GRM8: variants seen among roughly 807,000 people sequenced by gnomAD.
GRM8 encodes glutamate metabotropic receptor 8, also known as metabotropic glutamate receptor 8.
GRM8 carries 47 observed loss-of-function variants against 87.2 expected under a neutral mutation model. The ratio of observed to expected loss-of-function variants is 0.54; its 90% CI spans 0.43 to 0.69. The LOEUF (loss-of-function observed/expected upper bound fraction) is 0.69. GRM8 is among the 30% of genes least tolerant of loss of function. GRM8 has a pLI of 0.00. For missense variants in GRM8, 1,019 were observed against 1,139.2 expected, an observed-to-expected ratio of 0.89 and a Z score of 1.52; for synonymous variants, 396 against 404.5, an observed-to-expected ratio of 0.98 and a Z score of 0.25.
At chr7:127,161,087 C>T (rs1265738978) in intron 2 of GRM8, among the ~76,000 whole-genome samples, 3 of 152,080 alleles carry the variant, frequency 2.0e-5, no homozygotes, top group Admixed American at 2.0e-4. Flanking sequence ...CATTCTTTAT[C>T]ATACACTTAA....
intron 10 of GRM8, 89 bp from the exon 11 acceptor site, chr7:126,439,257 C>G (rs1801179389): frequency 1.3e-6 from 1 of 793,356 alleles, no homozygotes; most frequent in Admixed American, 1.8e-5. Context: ...CCTGTAATGA[C>G]TTTTTAATAA....
At chr7:126,625,074 GAATA>G (rs1003525924) in intron 7 of GRM8, among the ~76,000 whole-genome samples, 1 of 152,064 alleles carries the variant, frequency 6.6e-6, no homozygotes, top group Non-Finnish European at 1.5e-5. Context: ...AGTTCTCAAT[GAATA>G]GTTATTAAAT....
chr7:126,675,068 T>C (rs1475911036), intron 7 of GRM8, among the ~76,000 whole-genome samples: 1 of 152,222 alleles, frequency 6.6e-6, no homozygotes, highest in East Asian at 1.9e-4. Flanking sequence ...CTAAATGTAA[T>C]GCTATTTGGA....
intron 2 of GRM8, among the ~76,000 whole-genome samples, chr7:127,150,575 C>T (rs1828803042): frequency 6.6e-6 from 1 of 152,096 alleles, no homozygotes; most frequent in African/African-American, 2.4e-5. Context: ...TTGACAACGA[C>T]TATAATAGAC....
At chr7:126,995,321 A>G (rs1813072405) in intron 3 of GRM8, among the ~76,000 whole-genome samples, 1 of 152,206 alleles carries the variant, frequency 6.6e-6, no homozygotes, top group African/African-American at 2.4e-5. Flanking sequence ...CAGAAGTATC[A>G]AGACCATCTA....
Position 126,468,398 on chromosome 7 carries a change from T to G in GRM8, c.2431-22026A>C, listed in dbSNP as rs189108760. Reference sequence around the variant, plus strand: ...TTCATTTCTCACTTGCAATAATCATTTTCTCTCATTTGTCTTAAGAATAAT... The same window carrying G: ...TTCATTTCTCACTTGCAATAATCATGTTCTCTCATTTGTCTTAAGAATAAT... On this transcript the variant is annotated intron_variant, in intron 9 of 10. Coordinates refer to ENST00000339582, the MANE Select transcript of GRM8 (RefSeq NM_000845.3). Among the ~76,000 whole-genome samples the G allele has an allele frequency of 1.2e-4, 18 of 152,182 alleles. No homozygotes were observed. In the East Asian group the frequency reaches 3.5e-3, roughly 30 times the overall value.
intron 8 of GRM8, among the ~76,000 whole-genome samples, chr7:126,569,040 A>G (rs1794475888): frequency 6.6e-6 from 1 of 152,216 alleles, no homozygotes; most frequent in African/African-American, 2.4e-5. Context: ...GCAGTGATTC[A>G]GCCCCATACT....
At chr7:126,907,679 C>T (rs1055264054) in intron 3 of GRM8, among the ~76,000 whole-genome samples, 2 of 152,092 alleles carry the variant, frequency 1.3e-5, no homozygotes, top group Admixed American at 6.5e-5. Context: ...TCTATTTCTT[C>T]GATCTTTGAG....
chr7:126,550,869 G>C (rs1367781878), intron 8 of GRM8, among the ~76,000 whole-genome samples: 2 of 151,460 alleles, frequency 1.3e-5, no homozygotes, highest in African/African-American at 4.8e-5. Flanking sequence ...TCCAAGAACA[G>C]TTTCTATGGA....
At chr7:126,664,392 T>A (rs1001342888) in intron 7 of GRM8, among the ~76,000 whole-genome samples, 2 of 152,080 alleles carry the variant, frequency 1.3e-5, no homozygotes, top group East Asian at 3.8e-4. Flanking sequence ...AACTATACTT[T>A]AAGGCTAAAG....
chr7:127,240,766 C>A (rs986749364), intron 2 of GRM8, among the ~76,000 whole-genome samples: 4 of 152,166 alleles, frequency 2.6e-5, no homozygotes, highest in Non-Finnish European at 5.9e-5. Flanking sequence ...GAGCTGGACA[C>A]CAACCCAGAG....
chr7:127,185,526 C>T (rs1794685333), intron 2 of GRM8, among the ~76,000 whole-genome samples: 1 of 151,950 alleles, frequency 6.6e-6, no homozygotes, highest in Non-Finnish European at 1.5e-5. Flanking sequence ...TAGAAGAAAA[C>T]ATAGGAGAAA....
At chr7:126,992,986 TAA>T (rs1812823266) in intron 3 of GRM8, among the ~76,000 whole-genome samples, 1 of 152,036 alleles carries the variant, frequency 6.6e-6, no homozygotes, top group African/African-American at 2.4e-5. Context: ...TATGAGAAAA[TAA>T]ATTTCTATTA....
chr7:126,792,487 A>G (rs1304761282), intron 6 of GRM8, among the ~76,000 whole-genome samples: 4 of 152,146 alleles, frequency 2.6e-5, no homozygotes, highest in Non-Finnish European at 5.9e-5. Context: ...GATTTCTCCT[A>G]AAGTTTGAGG....
intron 3 of GRM8, among the ~76,000 whole-genome samples, chr7:127,078,005 C>A (rs1822473146): frequency 1.3e-5 from 2 of 152,232 alleles, no homozygotes; most frequent in African/African-American, 2.4e-5. Context: ...ACAGGTCCTA[C>A]AACAGCAAAT....
At position 126,924,577 on chromosome 7, in the gene GRM8, T is replaced by C. The variant is rs576247697; in HGVS notation, c.728-19894A>G. On this transcript the variant is annotated intron_variant, in intron 3 of 10. Coordinates refer to ENST00000339582, the MANE Select transcript of GRM8 (RefSeq NM_000845.3). The stretch of plus-strand genomic sequence containing the variant: ...GTGGTATTGCCTGCCTTTTTGCTTT[T>C]CTTTCTTTCCTTCCTCCTTTTCTTT... Among the ~76,000 whole-genome samples, 8 of 152,322 alleles carry C rather than the reference T, an allele frequency of 5.3e-5. No homozygotes were observed. In the South Asian group the frequency reaches 1.7e-3, roughly 32 times the overall value.
At chr7:126,948,056 T>C (rs1175714560) in intron 3 of GRM8, among the ~76,000 whole-genome samples, 1 of 152,162 alleles carries the variant, frequency 6.6e-6, no homozygotes, top group Non-Finnish European at 1.5e-5. Context: ...GTAAGATTTG[T>C]CGAACACTTA....
chr7:126,643,638 C>T (rs1802719535), intron 7 of GRM8, among the ~76,000 whole-genome samples: 2 of 152,036 alleles, frequency 1.3e-5, no homozygotes, highest in South Asian at 2.1e-4. Flanking sequence ...CAGAGATCCA[C>T]TGTGTTTAAT....
In GRM8 at chr7:126,446,321, C is replaced by T. The variant is rs779822109; in HGVS notation, c.2482G>A (p.Val828Ile). The change falls in exon 10 of 11, where the codon GTA (valine) becomes ATA (isoleucine). Residue 828 changes from valine (V) to isoleucine (I), a missense_variant. Physicochemically the swap from Val to Ile is conservative, Grantham distance 29. Coordinates refer to ENST00000339582, the MANE Select transcript of GRM8 (RefSeq NM_000845.3). Reference protein sequence around the residue: ...LTVSMSLSASVSLGMLYMPKV... With the variant: ...LTVSMSLSASISLGMLYMPKV... ...GGCATATAGAGCATGCCCAGAGATA[C>T]TGAAGCACTTAAACTCATGGAGACA... The T allele has an allele frequency of 6.2e-7, 1 of 1,610,350 alleles. No individual in the cohort carries two copies. The highest frequency in any genetic ancestry group is 1.1e-5 in the South Asian group (1 of 91,008).
Sources: gnomAD v4.1 joint callset for allele counts (sites outside exome capture counted in the v4.1 genomes callset) on GRCh38, gnomAD v4.1.1 for gene constraint, MANE v1.5 for transcripts, NCBI Gene and HGNC (gene_info 2026-07-23, HGNC 2026-07-21) for gene names.